EML1: variants seen among roughly 807,000 people sequenced by gnomAD.
EML1 encodes the protein EMAP like 1, also known as echinoderm microtubule-associated protein-like 1.
EML1 carries 27 observed loss-of-function variants against 110.4 expected under a neutral mutation model. That is an observed-to-expected ratio of 0.24 (90% CI 0.18 to 0.34). The LOEUF is 0.34. Among genes scored for constraint, EML1 ranks in the 10% least tolerant of loss-of-function variants. The probability of loss-of-function intolerance (pLI) is 1.00; values close to 1 mark genes in which losing one functional copy is unlikely to be tolerated. For missense variants in EML1, 741 were observed against 1,030.9 expected (o/e 0.72, Z 3.85); for synonymous variants, 344 against 385.8 (o/e 0.89, Z 1.27).
At chr14:99,805,392 C>A (rs978304822) in intron 1 of EML1, among the ~76,000 whole-genome samples, 1 of 152,216 alleles carries the variant, frequency 6.6e-6, no homozygotes, top group Non-Finnish European at 1.5e-5. Flanking sequence ...GAAACTCTTC[C>A]GTCTTTCTGT....
chr14:99,915,055 A>G (rs1054243479), intron 15 of EML1: 27 of 305,712 alleles, frequency 8.8e-5, no homozygotes, highest in Non-Finnish European at 1.3e-4. Flanking sequence ...GGAATTTACA[A>G]GCTGTACTAA....
At chr14:99,819,405 C>G (rs74084769) in intron 1 of EML1, among the ~76,000 whole-genome samples, 2,324 of 152,310 alleles carry the variant, frequency 0.015, 61 homozygotes, top group African/African-American at 0.053. Flanking sequence ...CCTTTTCCCA[C>G]CAGAACATTT....
intron 1 of EML1, among the ~76,000 whole-genome samples, chr14:99,811,814 AAGAGAG>A (rs72348039): frequency 1.3e-5 from 2 of 149,938 alleles, no homozygotes; most frequent in East Asian, 3.9e-4. Flanking sequence ...ATGTCTCAAA[AAGAGAG>A]AGAGAGAGAG....
chr14:99,918,028 C>T (rs1345630949), intron 16 of EML1, among the ~76,000 whole-genome samples, 179 bp downstream of exon 16: 1 of 152,176 alleles, frequency 6.6e-6, no homozygotes, highest in Admixed American at 6.5e-5. Flanking sequence ...ACATTTTGAG[C>T]CTTGGGGAAT....
chr14:99,928,879 T>A (rs1352388247), intron 17 of EML1, among the ~76,000 whole-genome samples: 4 of 152,240 alleles, frequency 2.6e-5, no homozygotes, highest in Non-Finnish European at 5.9e-5. Flanking sequence ...GAGCTTGACT[T>A]GGAATGCCTT....
intron 1 of EML1, among the ~76,000 whole-genome samples, chr14:99,750,568 C>T (rs2140172412): frequency 6.6e-6 from 1 of 152,296 alleles, no homozygotes; most frequent in Non-Finnish European, 1.5e-5. Context: ...GCTGATGACA[C>T]CTTATAGGGT....
At chr14:99,772,403 G>T (rs1403741358), upstream of EML1, among the ~76,000 whole-genome samples, 1 of 152,208 alleles carries the variant, frequency 6.6e-6, no homozygotes, top group East Asian at 1.9e-4. Context: ...GTCCAGGGCT[G>T]CTTCTCTTGC....
rs180706146 is a variant in EML1 at position 99,761,734 on chromosome 14, G to A, written c.28+23874G>A. On this transcript the variant is annotated intron_variant, in intron 1 of 10. Coordinates refer to the EML1 transcript ENST00000554479. ...GAGGTCAGGAGTTCAAGACCAGCCT[G>A]GCCAACATGGCGAAACCCTGTCTCT... Among the ~76,000 whole-genome samples the A allele has an allele frequency of 2.0e-3, 300 of 152,206 alleles. 3 individuals are homozygous for A. Among genetic ancestry groups the A allele is most frequent in the Non-Finnish European group, 2.1e-4 (14 of 68,012 alleles).
At chr14:99,867,804 C>G (rs1203743981) in intron 3 of EML1, among the ~76,000 whole-genome samples, 1 of 152,002 alleles carries the variant, frequency 6.6e-6, no homozygotes, top group Admixed American at 6.5e-5. Context: ...ATTTGGATGC[C>G]TTTCATTTCT....
At chr14:99,911,983 C>G (rs1218445136) in intron 13 of EML1, among the ~76,000 whole-genome samples, 1 of 151,722 alleles carries the variant, frequency 6.6e-6, no homozygotes, top group Non-Finnish European at 1.5e-5. Flanking sequence ...GCAACCTCCC[C>G]CTCCTGGGCT....
intron 3 of EML1, among the ~76,000 whole-genome samples, chr14:99,873,080 C>T (rs969291716): frequency 1.3e-5 from 2 of 152,158 alleles, no homozygotes; most frequent in African/African-American, 4.8e-5. Flanking sequence ...CCAGGGAAGA[C>T]ATTGTAGGTC....
At chr14:99,863,993 A>G (rs1407159791) in intron 2 of EML1, among the ~76,000 whole-genome samples, 4 of 152,362 alleles carry the variant, frequency 2.6e-5, no homozygotes, top group African/African-American at 7.2e-5. Context: ...CCGGCCATCA[A>G]TTGGTATTTT....
rs774927570 is a variant in EML1, at chr14:99,784,089, C to G, written c.-27+10076C>G. Among the ~76,000 whole-genome samples the G allele has an allele frequency of 6.6e-6, 1 of 151,986 alleles. No homozygotes were observed. The highest frequency in any genetic ancestry group is 1.5e-5 in the Non-Finnish European group (1 of 67,984). ...AGTTTCCTAAATGTAAGGACTTTTT[C>G]TTGTCTTCTTTTTTTTTTTGAGATA... On this transcript the variant is annotated intron_variant, in intron 1 of 22. Transcript: ENST00000327921. This position sits in a 1 kb window ranked among gnomAD's most constrained non-coding sequence, Gnocchi z 4.5.
rs2060568851 is a variant in EML1 at position 99,940,399 on chromosome 14, T to C, written c.*287T>C. 1 of 241,164 alleles carries C rather than the reference T, an allele frequency of 4.1e-6. No homozygotes were observed. Among genetic ancestry groups the C allele is most frequent in the Non-Finnish European group, 7.8e-6 (1 of 127,424 alleles). The allele number at this position is 241,164 out of a possible 1,614,324, so 14.9% of individuals were successfully genotyped here. A position where few individuals can be genotyped will look rare whatever the true frequency, so the allele number is the denominator to read the frequency against. ...ACAGAAGTAACTGGTATATTCTTAGTAACTTTTCTATGAACTCTTCAAAAA... is the reference window on the plus strand; with the variant it reads ...ACAGAAGTAACTGGTATATTCTTAGCAACTTTTCTATGAACTCTTCAAAAA... On this transcript the variant is annotated 3_prime_UTR_variant, in exon 22 of 22. Coordinates refer to ENST00000262233, the MANE Select transcript of EML1 (RefSeq NM_004434.3).
chr14:99,782,064 G>A (rs2057545771), intron 1 of EML1, among the ~76,000 whole-genome samples: 1 of 152,136 alleles, frequency 6.6e-6, no homozygotes, highest in Non-Finnish European at 1.5e-5. Flanking sequence ...CCCTATCGTA[G>A]GGCACTGTTA....
At position 99,939,943 on chromosome 14, in the gene EML1, C is replaced by T. The variant is rs374477205; in HGVS notation, c.2323-44C>T. 11 of 1,479,642 alleles carry T rather than the reference C, an allele frequency of 7.4e-6. No individual in the cohort carries two copies. The highest frequency in any genetic ancestry group is 2.4e-5 in the Admixed American group (1 of 41,730). The allele number at this position is 1,479,642 out of a possible 1,614,324, so 91.7% of individuals were successfully genotyped here. ...AAGCACTTTCCCATCCCAGATGGTTCGCCTTGTAGTAAAGGAAGCTTTCCC... is the reference window on the plus strand; with the variant it reads ...AAGCACTTTCCCATCCCAGATGGTTTGCCTTGTAGTAAAGGAAGCTTTCCC... On this transcript the variant is annotated intron_variant, in intron 21 of 21. Coordinates refer to ENST00000262233, the MANE Select transcript of EML1 (RefSeq NM_004434.3). This position sits in a 1 kb window ranked among gnomAD's most constrained non-coding sequence, Gnocchi z 4.2.
intron 1 of EML1, among the ~76,000 whole-genome samples, chr14:99,742,319 G>A (rs1036521459): frequency 5.3e-5 from 8 of 152,222 alleles, no homozygotes; most frequent in East Asian, 3.8e-4. Context: ...TTTTCACTGG[G>A]TTTATGGTTA....
At chr14:99,806,316 C>CTTT (rs1198890041) in intron 1 of EML1, among the ~76,000 whole-genome samples, 98 of 87,752 alleles carry the variant, frequency 1.1e-3, no homozygotes, top group Non-Finnish European at 1.5e-3. Context: ...TCTCCAGAAT[C>CTTT]TTTTTTTTTT....
intron 9 of EML1, among the ~76,000 whole-genome samples, chr14:99,901,348 C>T (rs952211286): frequency 3.9e-5 from 6 of 152,160 alleles, no homozygotes; most frequent in African/African-American, 1.4e-4. Context: ...ATTTCACCTG[C>T]TTCTTTCAAG....
Sources: allele counts gnomAD v4.1 joint callset (sites outside exome capture counted in the v4.1 genomes callset), GRCh38; gene constraint gnomAD v4.1.1; non-coding constraint Gnocchi (gnomAD v3.1); transcripts MANE v1.5; gene names NCBI Gene and HGNC (gene_info 2026-07-23, HGNC 2026-07-21).